The following RUVBL2 variants were observed in gnomAD, a reference collection of about 807,000 sequenced individuals.
The protein encoded by RUVBL2 is RuvB like AAA ATPase 2.
Under a neutral mutation model 57.9 loss-of-function variants are expected in RUVBL2, and 9 were observed. The observed-to-expected ratio is 0.16, with a 90% CI of 0.09 to 0.27. The LOEUF (loss-of-function observed/expected upper bound fraction) is 0.27. Among genes scored for constraint, RUVBL2 ranks in the 10% least tolerant of loss-of-function variants. The pLI is 1.00. For missense variants in RUVBL2, 456 were observed against 669.6 expected, an observed-to-expected ratio of 0.68 and a Z score of 3.52; for synonymous variants, 278 against 264.6, an observed-to-expected ratio of 1.05 and a Z score of -0.49.
chr19:49,014,539 C>T lies in RUVBL2; in HGVS notation c.1057C>T (p.Arg353Trp). 6.2e-7 allele frequency: 1 copy of T among 1,614,086 alleles called. No individual in the cohort carries two copies. Among genetic ancestry groups the T allele is most frequent in the Non-Finnish European group, 8.5e-7 (1 of 1,179,996 alleles). The stretch of plus-strand genomic sequence containing the variant: ...CGGCATCCCCATAGACCTGCTGGAC[C>T]GGCTGCTTATCGTCTCCACCACCCC... Reference protein sequence around the residue: ...PHGIPIDLLDRLLIVSTTPYS... With the variant: ...PHGIPIDLLDWLLIVSTTPYS... Residue 353 changes from arginine (R) to tryptophan (W), a missense_variant, in exon 12 of 15, where the codon CGG (arginine) becomes TGG (tryptophan). Physicochemically the swap from Arg to Trp is moderately radical, Grantham distance 101. Coordinates refer to ENST00000595090, the MANE Select transcript of RUVBL2 (RefSeq NM_006666.3).
At chr19:49,010,365 C>T (rs991470547) in intron 8 of RUVBL2, 123 bp from the exon 9 acceptor site, 2 of 1,010,196 alleles carry the variant, frequency 2.0e-6, no homozygotes, top group East Asian at 4.9e-5. Flanking sequence ...CAGATGACCC[C>T]ATTTAGCCTC....
chr19:49,014,959 A>G (rs1009005385), intron 12 of RUVBL2, 62 bp from the exon 13 acceptor site: 2 of 1,550,464 alleles, frequency 1.3e-6, no homozygotes, highest in Admixed American at 3.9e-5. Flanking sequence ...TGCTGTGGCC[A>G]CTTCTGCTGC....
In RUVBL2 at chr19:49,010,551, T is replaced by G. The variant is rs768040234; in HGVS notation, c.727T>G (p.Ser243Ala). The change falls in exon 9 of 15, where the codon TCC (serine) becomes GCC (alanine). Residue 243 changes from serine (S) to alanine (A), a missense_variant. Ser to Ala is a moderately conservative substitution (Grantham distance 99). Transcript: ENST00000595090. ...QKRKEVVHTV[S>A]LHEIDVINSR... ...ACGCAAGGAGGTGGTGCACACCGTG[T>G]CCCTGCACGAGATCGACGTCATCAA... is the stretch of plus-strand genomic sequence containing the variant. 2 of 1,561,448 alleles carry G rather than the reference T, an allele frequency of 1.3e-6. No individual in the cohort carries two copies. The highest frequency in any genetic ancestry group is 1.7e-6 in the Non-Finnish European group (2 of 1,148,490).
At position 49,010,571 on chromosome 19, in the gene RUVBL2, C is replaced by T; in HGVS notation, c.747C>T (p.Val249=). The T allele has an allele frequency of 6.2e-7, 1 of 1,610,874 alleles. No individual in the cohort carries two copies. Among genetic ancestry groups the T allele is most frequent in the South Asian group, 1.1e-5 (1 of 91,042 alleles). Residue 249 remains valine, a synonymous_variant, in exon 9 of 15, where the codon GTC becomes GTT. Coordinates refer to ENST00000595090, the MANE Select transcript of RUVBL2 (RefSeq NM_006666.3). ...CCGTGTCCCTGCACGAGATCGACGT[C>T]ATCAACTCTCGCACCCAGGGCTTCC... ...VHTVSLHEID[V]INSRTQGFLA... is the part of the protein sequence containing the mutation.
chr19:49,008,416 A>G (rs1021388608), intron 6 of RUVBL2, among the ~76,000 whole-genome samples: 2 of 149,216 alleles, frequency 1.3e-5, no homozygotes, highest in Admixed American at 6.6e-5. Flanking sequence ...AATTTTTTGT[A>G]TTTTTAGTAG....
chr19:49,003,369 C>A, intron 3 of RUVBL2, 35 bp downstream of exon 3: 1 of 1,603,110 alleles, frequency 6.2e-7, no homozygotes. Context: ...GAGGGCCTCT[C>A]CATGAAGGTC....
intron 2 of RUVBL2, among the ~76,000 whole-genome samples, chr19:49,001,818 G>A (rs546957690): frequency 6.6e-6 from 1 of 151,838 alleles, no homozygotes; most frequent in East Asian, 2.0e-4. Context: ...CACTGTGTTA[G>A]CCAGGATGGT....
intron 4 of RUVBL2, among the ~76,000 whole-genome samples, chr19:49,005,300 G>A (rs951737168): frequency 2.6e-5 from 4 of 152,212 alleles, no homozygotes; most frequent in Admixed American, 2.0e-4. Context: ...TGGGGTGCTC[G>A]GACTGGACAC....
intron 11 of RUVBL2, among the ~76,000 whole-genome samples, chr19:49,012,880 C>CACAT (rs2039459600): frequency 6.6e-6 from 1 of 151,508 alleles, no homozygotes; most frequent in Admixed American, 6.6e-5. Context: ...CACACACACA[C>CACAT]ACACCACCCC....
At chr19:48,993,540 T>C (rs1160740260), upstream of RUVBL2, 32 of 448,534 alleles carry the variant, frequency 7.1e-5, no homozygotes, top group South Asian at 7.1e-4. Flanking sequence ...TCTGTCAATC[T>C]GGAGCTGGAG....
intron 1 of RUVBL2, among the ~76,000 whole-genome samples, chr19:48,998,770 A>G (rs1016812437): frequency 6.6e-6 from 1 of 151,132 alleles, no homozygotes; most frequent in Admixed American, 6.6e-5. Context: ...GCTCACGCCC[A>G]TAATCCCAGC....
intron 6 of RUVBL2, among the ~76,000 whole-genome samples, chr19:49,009,035 T>C (rs1292468485): frequency 1.3e-5 from 2 of 148,350 alleles, no homozygotes; most frequent in Non-Finnish European, 3.0e-5. Flanking sequence ...GTGGCACACA[T>C]CTGTAATCCC....
At chr19:49,013,214 A>G (rs978549224) in intron 11 of RUVBL2, among the ~76,000 whole-genome samples, 1 of 151,338 alleles carries the variant, frequency 6.6e-6, no homozygotes, top group Non-Finnish European at 1.5e-5. Context: ...TGCCCACCTC[A>G]GCCTCCCAAA....
chr19:49,015,827 C>T lies in RUVBL2; in HGVS notation c.1377C>T (p.Thr459=). The T allele has an allele frequency of 5.0e-6, 8 of 1,614,182 alleles. No homozygotes were observed. The highest frequency in any genetic ancestry group is 1.1e-5 in the South Asian group (1 of 91,086). Residue 459 remains threonine (T), a synonymous_variant, in exon 15 of 15, where the codon ACC becomes ACT. Coordinates refer to ENST00000595090, the MANE Select transcript of RUVBL2 (RefSeq NM_006666.3). ...AFLFNELKGE[T]MDTS is the part of the protein sequence containing the mutation. ...TCCTTCTCCCCACAGAAGGCGAGAC[C>T]ATGGACACCTCCTGAGTTGGATGTC...
At chr19:49,001,543 A>T (rs2039182882) in intron 2 of RUVBL2, 1 of 150,216 alleles carries the variant, frequency 6.7e-6, no homozygotes, top group Admixed American at 6.6e-5. Context: ...AGTAGAGACT[A>T]GCTGCACCCA....
In RUVBL2 at chr19:49,004,290, T is replaced by C; in HGVS notation, c.137T>C (p.Met46Thr). ...ALEPRQASQG[M>T]VGQLAARRAA... ...TCCCACCCACAGGCTTCGCAAGGCATGGTGGGTCAGCTGGCGGCACGGCGG... is the reference window on the plus strand; with the variant it reads ...TCCCACCCACAGGCTTCGCAAGGCACGGTGGGTCAGCTGGCGGCACGGCGG... Residue 46 changes from methionine to threonine, a missense_variant, in exon 4 of 15, where the codon ATG (methionine) becomes ACG (threonine). Physicochemically the swap from Met to Thr is moderately conservative, Grantham distance 81. Coordinates refer to ENST00000595090, the MANE Select transcript of RUVBL2 (RefSeq NM_006666.3). 1 of 1,612,204 alleles carries C rather than the reference T, an allele frequency of 6.2e-7. No homozygotes were observed.
At position 49,014,616 on chromosome 19, in the gene RUVBL2, C is replaced by G. The variant is rs891779988; in HGVS notation, c.1121+13C>G. On this transcript the variant is annotated intron_variant, in intron 12 of 14. Transcript: ENST00000595090. ...TCCTCCGCATCCGGTGCGGGCAGGACCAGGCCGTGCGCCTGAGACGCAGGG... is the reference window on the plus strand; with the variant it reads ...TCCTCCGCATCCGGTGCGGGCAGGAGCAGGCCGTGCGCCTGAGACGCAGGG... The G allele has an allele frequency of 1.2e-6, 2 of 1,613,592 alleles. No individual in the cohort carries two copies. Among genetic ancestry groups the G allele is most frequent in the African/African-American group, 2.7e-5 (2 of 74,920 alleles).
intron 2 of RUVBL2, among the ~76,000 whole-genome samples, chr19:49,002,830 C>T (rs1398723222): frequency 6.6e-6 from 1 of 152,016 alleles, no homozygotes; most frequent in Admixed American, 6.6e-5. Context: ...AGTGATCCGC[C>T]CGCCTCGGCC....
rs78248023 is a variant in RUVBL2, at chr19:49,011,914, C to A, written c.1001+604C>A. On this transcript the variant is annotated intron_variant, in intron 11 of 14. Coordinates refer to ENST00000595090, the MANE Select transcript of RUVBL2 (RefSeq NM_006666.3). The surrounding 1 kb of genome is among the most constrained non-coding windows in gnomAD (Gnocchi z 4.4). ...ACTGTGCTGTGCTGAAGCCTGGGAA[C>A]CTCGTCTCCCAGGTGTTGCCAGCAC... Among the ~76,000 whole-genome samples, 10,841 of 151,634 alleles carry A rather than the reference C, an allele frequency of 0.071. 465 individuals carry two copies. The highest frequency in any genetic ancestry group is 0.12 in the Middle Eastern group (34 of 288).
Sources: allele counts gnomAD v4.1 joint callset (sites outside exome capture counted in the v4.1 genomes callset), GRCh38; gene constraint gnomAD v4.1.1; non-coding constraint Gnocchi (gnomAD v3.1); transcripts MANE v1.5; gene names NCBI Gene and HGNC (gene_info 2026-07-23, HGNC 2026-07-21).